Variants in ST3GAL4 observed in about 807,000 individuals in gnomAD.
ST3GAL4 encodes ST3 beta-galactoside alpha-2,3-sialyltransferase 4.
A neutral mutation model predicts 42.6 loss-of-function variants in ST3GAL4; 24 were observed. The ratio of observed to expected loss-of-function variants is 0.56; its 90% CI spans 0.41 to 0.79. The LOEUF is 0.79. Among genes scored for constraint, ST3GAL4 ranks in the 30% least tolerant of loss-of-function variants. ST3GAL4 has a pLI of 0.00. For missense variants in ST3GAL4, 311 were observed against 430.8 expected (o/e 0.72, Z 2.46); for synonymous variants, 135 against 163.2 (o/e 0.83, Z 1.32).
rs950609934 is a variant in ST3GAL4, at chr11:126,384,848, G to A, written c.-60-21248G>A. 11 of 985,244 alleles carry A rather than the reference G, an allele frequency of 1.1e-5. No homozygotes were observed. Among genetic ancestry groups the A allele is most frequent in the South Asian group, 4.7e-5 (1 of 21,280 alleles). 61.0% of individuals were successfully genotyped at this position (985,244 alleles called of 1,614,324 possible). Reference sequence around the variant, plus strand: ...CTTTGTCACATATGGGCCAGGAGAGGTGAGTGTGATTGTGGTAGTGGTGGG... The same window carrying A: ...CTTTGTCACATATGGGCCAGGAGAGATGAGTGTGATTGTGGTAGTGGTGGG... On this transcript the variant is annotated intron_variant, in intron 1 of 10. Coordinates refer to ENST00000444328, the MANE Select transcript of ST3GAL4 (RefSeq NM_001254757.2). The surrounding 1 kb of genome is among the most constrained non-coding windows in gnomAD (Gnocchi z 5.5).
At chr11:126,405,180 G>A (rs1954169721) in intron 1 of ST3GAL4, among the ~76,000 whole-genome samples, 2 of 152,236 alleles carry the variant, frequency 1.3e-5, no homozygotes, top group South Asian at 4.1e-4. Flanking sequence ...TGGCGTGGAT[G>A]GAAGAAACTG....
At chr11:126,365,775 G>A (rs1267349675) in intron 1 of ST3GAL4, among the ~76,000 whole-genome samples, 1 of 152,192 alleles carries the variant, frequency 6.6e-6, no homozygotes, top group East Asian at 1.9e-4. Flanking sequence ...GGGCTGAGAG[G>A]ACAGTCCCTG....
chr11:126,383,199 T>C lies in ST3GAL4; in HGVS notation c.-60-22897T>C, dbSNP rs957599713. Among the ~76,000 whole-genome samples, 1 of 152,120 alleles carries C rather than the reference T, an allele frequency of 6.6e-6. No individual in the cohort carries two copies. The highest frequency in any genetic ancestry group is 2.4e-5 in the African/African-American group (1 of 41,430). ...AGGCGTGGCTGGGTCTCCTCTCAGG[T>C]GCCAGAATCTTTCTGGGAGCTGAGC... On this transcript the variant is annotated intron_variant, in intron 1 of 10. Transcript: ENST00000444328. This position sits in a 1 kb window ranked among gnomAD's most constrained non-coding sequence, Gnocchi z 4.5.
intron 1 of ST3GAL4, among the ~76,000 whole-genome samples, chr11:126,403,694 G>C (rs969607734): frequency 9.2e-5 from 14 of 152,224 alleles, no homozygotes; most frequent in African/African-American, 3.4e-4. Context: ...AGAGGGAGCA[G>C]GGAGGGTGAG....
chr11:126,355,878 G>C lies in ST3GAL4; in HGVS notation c.-61+36G>C, dbSNP rs1214788146. Reference sequence around the variant, plus strand: ...GGCGGCGGTGCGCGGGGGCCCGCGGGGCGGGGCGGGGCGGGGAGCCGCGGG... The same window carrying C: ...GGCGGCGGTGCGCGGGGGCCCGCGGCGCGGGGCGGGGCGGGGAGCCGCGGG... On this transcript the variant is annotated intron_variant, in intron 1 of 10. Coordinates refer to ENST00000444328, the MANE Select transcript of ST3GAL4 (RefSeq NM_001254757.2). The surrounding 1 kb of genome is among the most constrained non-coding windows in gnomAD (Gnocchi z 7.1). 1 of 148,840 alleles carries C rather than the reference G, an allele frequency of 6.7e-6. No homozygotes were observed. Among genetic ancestry groups the C allele is most frequent in the Non-Finnish European group, 1.5e-5 (1 of 66,664 alleles). 9.2% of individuals were successfully genotyped at this position (148,840 alleles called of 1,614,324 possible).
chr11:126,356,069 T>C (rs2848583), intron 1 of ST3GAL4: 137,076 of 152,250 alleles, frequency 0.9, 61,896 homozygotes, highest in East Asian at 1. Flanking sequence ...ATCCTCTCCG[T>C]TCCCTTGGAG....
At position 126,363,323 on chromosome 11, in the gene ST3GAL4, T is replaced by G. The variant is rs1952311948; in HGVS notation, c.-61+7481T>G. Among the ~76,000 whole-genome samples the G allele has an allele frequency of 6.6e-6, 1 of 152,228 alleles. No homozygotes were observed. The highest frequency in any genetic ancestry group is 2.4e-5 in the African/African-American group (1 of 41,448). ...CTCCTTCCTTTCTGCCTCCTCTGCA[T>G]TCTCTCCTTGCCCTTGCTTCTCTGA... On this transcript the variant is annotated intron_variant, in intron 1 of 10. Transcript: ENST00000444328. The surrounding 1 kb of genome is among the most constrained non-coding windows in gnomAD (Gnocchi z 4.6).
chr11:126,388,679 T>C lies in ST3GAL4; in HGVS notation c.-60-17417T>C, dbSNP rs67789503. 1.6e-3 allele frequency among the ~76,000 whole-genome samples: 198 copies of C among 122,660 alleles called. 2 individuals are homozygous for C. The highest frequency in any genetic ancestry group is 9.3e-3 in the Middle Eastern group (2 of 214). The allele number at this position is 122,660 out of a possible 152,430, so 80.5% of individuals were successfully genotyped here. On this transcript the variant is annotated intron_variant, in intron 1 of 10. Coordinates refer to ENST00000444328, the MANE Select transcript of ST3GAL4 (RefSeq NM_001254757.2). The stretch of plus-strand genomic sequence containing the variant: ...TTTCTTGTTTTTTTTTTTTTTTTTT[T>C]TTCTGATTTACGTGAGCACATCATA...
chr11:126,374,812 C>T (rs916040904), intron 1 of ST3GAL4, among the ~76,000 whole-genome samples: 4 of 152,034 alleles, frequency 2.6e-5, no homozygotes, highest in Non-Finnish European at 5.9e-5. Flanking sequence ...ATTAGCGGAC[C>T]GTCTGTATCC....
At chr11:126,377,464 C>T (rs1326763559) in intron 1 of ST3GAL4, among the ~76,000 whole-genome samples, 1 of 148,718 alleles carries the variant, frequency 6.7e-6, no homozygotes, top group Non-Finnish European at 1.5e-5. Flanking sequence ...AGCCACCGTG[C>T]CTGGCCAACA....
intron 1 of ST3GAL4, among the ~76,000 whole-genome samples, chr11:126,365,817 T>C (rs556240734): frequency 1.3e-5 from 2 of 152,230 alleles, no homozygotes; most frequent in South Asian, 4.1e-4. Context: ...GCAGAGAGGC[T>C]GAGACGGGCC....
rs1953617855 is a variant in ST3GAL4 at position 126,393,907 on chromosome 11, T to A, written c.-60-12189T>A. Reference sequence around the variant, plus strand: ...AAAATCTTGGCATTTCAACATGGGATGAGCATAAAATAATGAAGGTGATAT... The same window carrying A: ...AAAATCTTGGCATTTCAACATGGGAAGAGCATAAAATAATGAAGGTGATAT... On this transcript the variant is annotated intron_variant, in intron 1 of 10. Coordinates refer to ENST00000444328, the MANE Select transcript of ST3GAL4 (RefSeq NM_001254757.2). The surrounding 1 kb of genome is among the most constrained non-coding windows in gnomAD (Gnocchi z 5.9). 6.6e-6 allele frequency among the ~76,000 whole-genome samples: 1 copy of A among 152,280 alleles called. No homozygotes were observed. Among genetic ancestry groups the A allele is most frequent in the South Asian group, 2.1e-4 (1 of 4,836 alleles).
intron 1 of ST3GAL4, among the ~76,000 whole-genome samples, chr11:126,371,163 C>CTTTTTTTCTTTTTTTTTTTTTTTTTT (rs1952628975): frequency 1.7e-5 from 1 of 59,974 alleles, no homozygotes; most frequent in Non-Finnish European, 3.0e-5. Flanking sequence ...CCCCACATTC[C>CTTTTTTTCTTTTTTTTTTTTTTTTTT]TTTTTTTTTT....
chr11:126,392,347 T>C lies in ST3GAL4; in HGVS notation c.-60-13749T>C, dbSNP rs1318147598. ...CAGTTCTGATATGGTGCAGCAGACA[T>C]GGAGCTGGTAAGTGGTTAAGATCAG... On this transcript the variant is annotated intron_variant, in intron 1 of 10. Coordinates refer to ENST00000444328, the MANE Select transcript of ST3GAL4 (RefSeq NM_001254757.2). This position sits in a 1 kb window ranked among gnomAD's most constrained non-coding sequence, Gnocchi z 5.8. The C allele has an allele frequency of 2.7e-5, 27 of 985,794 alleles. No homozygotes were observed. Among genetic ancestry groups the C allele is most frequent in the Non-Finnish European group, 3.1e-5 (26 of 829,964 alleles). The allele number at this position is 985,794 out of a possible 1,614,324, so 61.1% of individuals were successfully genotyped here. A position where few individuals can be genotyped will look rare whatever the true frequency, so the allele number is the denominator to read the frequency against.
intron 1 of ST3GAL4, among the ~76,000 whole-genome samples, chr11:126,390,768 A>G (rs902905106): frequency 2.0e-5 from 3 of 152,044 alleles, no homozygotes; most frequent in African/African-American, 7.2e-5. Flanking sequence ...CCGTGCTACC[A>G]TCCCACCATC....
intron 1 of ST3GAL4, among the ~76,000 whole-genome samples, chr11:126,389,743 T>TTTATTTTA (rs1953399317): frequency 1.3e-5 from 2 of 152,094 alleles, no homozygotes; most frequent in Non-Finnish European, 2.9e-5. Context: ...AGCTAAGTTG[T>TTTATTTTA]TTATTTTATT....
At chr11:126,413,883 G>C (rs1954634390) in intron 10 of ST3GAL4, 78 bp from the exon 11 acceptor site, 17 of 1,539,772 alleles carry the variant, frequency 1.1e-5, no homozygotes, top group African/African-American at 1.4e-5. Context: ...GGGGCCATTG[G>C]GAGGGGCAGG....
At position 126,392,336 on chromosome 11, in the gene ST3GAL4, T is replaced by G; in HGVS notation, c.-60-13760T>G. On this transcript the variant is annotated intron_variant, in intron 1 of 10. Transcript: ENST00000444328. The surrounding 1 kb of genome is among the most constrained non-coding windows in gnomAD (Gnocchi z 5.8). ...CTGTCGGACATCAGTTCTGATATGG[T>G]GCAGCAGACATGGAGCTGGTAAGTG... The G allele has an allele frequency of 1.0e-6, 1 of 985,920 alleles. No homozygotes were observed. Among genetic ancestry groups the G allele is most frequent in the Non-Finnish European group, 1.2e-6 (1 of 829,948 alleles). The allele number at this position is 985,920 out of a possible 1,614,324, so 61.1% of individuals were successfully genotyped here.
At chr11:126,387,297 T>TC (rs1363548074) in intron 1 of ST3GAL4, among the ~76,000 whole-genome samples, 3 of 152,238 alleles carry the variant, frequency 2.0e-5, no homozygotes, top group Non-Finnish European at 2.9e-5. Context: ...AGAATTCACA[T>TC]CCAAGTGTGA....
Sources: allele counts gnomAD v4.1 joint callset (sites outside exome capture counted in the v4.1 genomes callset), GRCh38; gene constraint gnomAD v4.1.1; non-coding constraint Gnocchi (gnomAD v3.1); transcripts MANE v1.5; gene names NCBI Gene and HGNC (gene_info 2026-07-23, HGNC 2026-07-21).